SERPINI1: variants seen among roughly 807,000 people sequenced by gnomAD.
The protein encoded by SERPINI1 is serpin family I member 1, also known as neuroserpin.
Under a neutral mutation model 41.1 loss-of-function variants are expected in SERPINI1, and 19 were observed. The observed-to-expected ratio is 0.46, with a 90% CI of 0.32 to 0.68. The LOEUF (loss-of-function observed/expected upper bound fraction) is 0.68. Among genes scored for constraint, SERPINI1 ranks in the 30% least tolerant of loss-of-function variants. The pLI is 0.03. For synonymous variants in SERPINI1, 138 were observed against 156.6 expected (o/e 0.88, Z 0.89); for missense variants, 460 against 479.2 (o/e 0.96, Z 0.37).
intron 1 of SERPINI1, among the ~76,000 whole-genome samples, chr3:167,738,643 T>C (rs1304216736): frequency 6.6e-6 from 1 of 151,996 alleles, no homozygotes; most frequent in African/African-American, 2.4e-5. Context: ...TGGGATACAT[T>C]ACTTTTCTAA....
intron 1 of SERPINI1, among the ~76,000 whole-genome samples, chr3:167,774,184 T>G (rs1023419947): frequency 3.3e-5 from 5 of 152,180 alleles, no homozygotes; most frequent in Non-Finnish European, 7.3e-5. Context: ...ATCTTCAGCT[T>G]GGGACACAGC....
At chr3:167,813,344 A>G (rs1328730275) in intron 6 of SERPINI1, among the ~76,000 whole-genome samples, 2 of 152,154 alleles carry the variant, frequency 1.3e-5, no homozygotes, top group Non-Finnish European at 2.9e-5. Context: ...GTGTCCCATT[A>G]CTTCTGGACA....
At chr3:167,772,919 CACAT>C (rs1464129159) in intron 1 of SERPINI1, among the ~76,000 whole-genome samples, 2 of 98,824 alleles carry the variant, frequency 2.0e-5, no homozygotes, top group Middle Eastern at 5.3e-3. Flanking sequence ...CACACACACA[CACAT>C]GCATATATAC....
intron 6 of SERPINI1, among the ~76,000 whole-genome samples, chr3:167,815,967 C>G (rs1025866750): frequency 1.3e-5 from 2 of 152,196 alleles, no homozygotes. Context: ...TTTTCCCTCT[C>G]TGCTGCTGTT....
At chr3:167,807,181 T>C in intron 5 of SERPINI1, 63 bp from the exon 6 acceptor site, 1 of 1,095,564 alleles carries the variant, frequency 9.1e-7, no homozygotes, top group Admixed American at 1.7e-5. Flanking sequence ...ATCTAACACT[T>C]TGTTCTTGTT....
Position 167,794,607 on chromosome 3 carries a change from A to G in SERPINI1, c.677-13A>G. 2 of 1,611,540 alleles carry G rather than the reference A, an allele frequency of 1.2e-6. No individual in the cohort carries two copies. The highest frequency in any genetic ancestry group is 1.1e-5 in the South Asian group (1 of 90,966). On this transcript the variant is annotated splice_polypyrimidine_tract_variant and intron_variant, in intron 4 of 8. Coordinates refer to ENST00000446050, the MANE Select transcript of SERPINI1 (RefSeq NM_001122752.2). ...TTGATAGGCATCTTTTATGGCCTTT[A>G]TTTTCTTTTTAGGGGAATTTAGTGA...
At chr3:167,758,136 G>T (rs1222840059) in intron 1 of SERPINI1, among the ~76,000 whole-genome samples, 3 of 151,882 alleles carry the variant, frequency 2.0e-5, no homozygotes, top group African/African-American at 7.3e-5. Flanking sequence ...CTTCATTCTG[G>T]ACCTGCAGGT....
chr3:167,793,834 A>ATGTGTGTGTGTG (rs1368712957), intron 4 of SERPINI1, among the ~76,000 whole-genome samples: 5 of 106,574 alleles, frequency 4.7e-5, no homozygotes, highest in African/African-American at 2.0e-4. Flanking sequence ...TTTTGGCCAT[A>ATGTGTGTGTGTG]TGTATGTGTG....
Position 167,790,534 on chromosome 3 carries a change from A to G in SERPINI1, c.413A>G (p.His138Arg). The change falls in exon 3 of 9, where the codon CAT becomes CGT. Residue 138 changes from histidine (H) to arginine (R), a missense_variant. Transcript: ENST00000446050. ...MKKYFNAAVN[H>R]VDFSQNVAVA... ...AAATATTTTAATGCAGCAGTAAATC[A>G]TGTGGACTTCAGTCAAAATGTAGCC... The G allele has an allele frequency of 6.2e-7, 1 of 1,614,070 alleles. No homozygotes were observed. Among genetic ancestry groups the G allele is most frequent in the Non-Finnish European group, 8.5e-7 (1 of 1,179,948 alleles).
At chr3:167,752,476 T>G (rs1428751369) in intron 1 of SERPINI1, among the ~76,000 whole-genome samples, 2 of 152,126 alleles carry the variant, frequency 1.3e-5, no homozygotes, top group Non-Finnish European at 2.9e-5. Context: ...TACTGTTACC[T>G]CTGTCTTGTC....
intron 1 of SERPINI1, among the ~76,000 whole-genome samples, chr3:167,786,871 C>T (rs965446416): frequency 1.3e-5 from 2 of 152,102 alleles, no homozygotes; most frequent in Non-Finnish European, 2.9e-5. Flanking sequence ...ATTCACTTAC[C>T]TCTTACTCAC....
At chr3:167,800,213 C>A (rs1727857327) in intron 5 of SERPINI1, 1 of 152,060 alleles carries the variant, frequency 6.6e-6, no homozygotes, top group African/African-American at 2.4e-5. Context: ...ATAAGATTGC[C>A]AGATCCTTCC....
chr3:167,794,531 C>T, intron 4 of SERPINI1, 89 bp from the exon 5 acceptor site: 3 of 1,099,096 alleles, frequency 2.7e-6, no homozygotes, highest in African/African-American at 3.1e-5. Context: ...GCAGTGTACA[C>T]TATACCAAAT....
chr3:167,822,104 A>G (rs991823940), intron 6 of SERPINI1, among the ~76,000 whole-genome samples: 10 of 152,210 alleles, frequency 6.6e-5, no homozygotes, highest in Admixed American at 1.3e-4. Context: ...TCTGAGCACC[A>G]TGGCTCAGCC....
chr3:167,800,601 A>G (rs1172290770), intron 5 of SERPINI1, among the ~76,000 whole-genome samples: 1 of 152,186 alleles, frequency 6.6e-6, no homozygotes, highest in Admixed American at 6.5e-5. Context: ...ATGTAGTATC[A>G]GTCTACTCTG....
At chr3:167,804,794 G>T (rs1283513357) in intron 5 of SERPINI1, among the ~76,000 whole-genome samples, 4 of 152,140 alleles carry the variant, frequency 2.6e-5, no homozygotes, top group African/African-American at 9.7e-5. Flanking sequence ...AGTGAGGTGT[G>T]ATCATGCCAC....
intron 1 of SERPINI1, among the ~76,000 whole-genome samples, chr3:167,788,043 T>C (rs1238517327): frequency 6.6e-6 from 1 of 152,218 alleles, no homozygotes. Context: ...ACATGTTGTT[T>C]TAGTGATTTT....
At chr3:167,800,515 T>G (rs2131114) in intron 5 of SERPINI1, among the ~76,000 whole-genome samples, 1 of 151,988 alleles carries the variant, frequency 6.6e-6, no homozygotes, top group African/African-American at 2.4e-5. Context: ...TTTACTGATA[T>G]AGCTTAGATA....
At chr3:167,741,655 G>A (rs533570009) in intron 1 of SERPINI1, among the ~76,000 whole-genome samples, 120 of 152,150 alleles carry the variant, frequency 7.9e-4, no homozygotes, top group Non-Finnish European at 8.2e-4. Context: ...ATCAGTTATT[G>A]GAGCATTTAA....
Sources: gnomAD v4.1 joint callset for allele counts (sites outside exome capture counted in the v4.1 genomes callset) on GRCh38, gnomAD v4.1.1 for gene constraint, MANE v1.5 for transcripts, NCBI Gene and HGNC (gene_info 2026-07-23, HGNC 2026-07-21) for gene names.